Variants in CACNA2D1 observed in about 807,000 individuals in gnomAD.
The protein encoded by CACNA2D1 is voltage-dependent calcium channel subunit alpha-2/delta-1.
In CACNA2D1, 53 loss-of-function variants were observed where a neutral mutation model predicts 171.5. The observed-to-expected ratio is 0.31, with a 90% CI of 0.25 to 0.39. The LOEUF is 0.39. CACNA2D1 is among the 10% of genes least tolerant of loss of function. CACNA2D1 has a pLI of 1.00. For synonymous variants in CACNA2D1, 442 were observed against 443.1 expected (o/e 1.00, Z 0.03); for missense variants, 903 against 1,299.8 (o/e 0.69, Z 4.69).
At chr7:82,114,760 G>GAAAAAAAAAAAAAAAAAAAAA (rs34240770) in intron 6 of CACNA2D1, among the ~76,000 whole-genome samples, 1 of 103,112 alleles carries the variant, frequency 9.7e-6, no homozygotes, top group Non-Finnish European at 2.1e-5. Context: ...CGTCCCAGAA[G>GAAAAAAAAAAAAAAAAAAAAA]AAAAAAAAAA....
chr7:82,093,429 C>A (rs1233827381), intron 6 of CACNA2D1, among the ~76,000 whole-genome samples: 1 of 151,798 alleles, frequency 6.6e-6, no homozygotes, highest in Non-Finnish European at 1.5e-5. Context: ...TCCTAAAATC[C>A]AAGTATGAGT....
At chr7:82,295,287 T>C (rs558547339) in intron 3 of CACNA2D1, among the ~76,000 whole-genome samples, 20 of 152,004 alleles carry the variant, frequency 1.3e-4, no homozygotes, top group African/African-American at 4.8e-4. Flanking sequence ...ACAAGGTGAG[T>C]ATAATTAATA....
chr7:82,258,817 CT>C (rs201927487), intron 3 of CACNA2D1, among the ~76,000 whole-genome samples: 1,007 of 72,544 alleles, frequency 0.014, 9 homozygotes, highest in African/African-American at 0.049. Flanking sequence ...TCTTACTTTT[CT>C]TTTTTTTTTT....
At chr7:82,426,977 T>C (rs1264787598) in intron 1 of CACNA2D1, among the ~76,000 whole-genome samples, 1 of 152,204 alleles carries the variant, frequency 6.6e-6, no homozygotes, top group African/African-American at 2.4e-5. Context: ...GTTGTTTTAA[T>C]CACCTTTCTG....
intron 25 of CACNA2D1, among the ~76,000 whole-genome samples, chr7:81,972,703 T>C (rs16885329): frequency 0.092 from 14,020 of 151,910 alleles, 680 homozygotes; most frequent in Middle Eastern, 0.2. Flanking sequence ...TCTAAACCCA[T>C]TAAGCTCTGA....
At chr7:81,954,237 G>A (rs934904751) in intron 38 of CACNA2D1, among the ~76,000 whole-genome samples, 1 of 151,948 alleles carries the variant, frequency 6.6e-6, no homozygotes. Context: ...GATTATTTAA[G>A]TAGAAAATAA....
chr7:82,425,330 G>A (rs979645435), intron 1 of CACNA2D1, among the ~76,000 whole-genome samples: 5 of 152,054 alleles, frequency 3.3e-5, no homozygotes, highest in Non-Finnish European at 4.4e-5. Flanking sequence ...AGCCCCATAC[G>A]GGAATGCAGT....
chr7:82,053,171 G>C (rs1172201779), intron 10 of CACNA2D1, among the ~76,000 whole-genome samples: 2 of 147,764 alleles, frequency 1.4e-5, no homozygotes, highest in African/African-American at 5.0e-5. Flanking sequence ...AGAATGGCGT[G>C]AACCTGGGAG....
intron 2 of CACNA2D1, among the ~76,000 whole-genome samples, chr7:82,347,027 T>C (rs557244607): frequency 6.6e-6 from 1 of 152,284 alleles, no homozygotes; most frequent in South Asian, 2.1e-4. Context: ...ATATGTATTC[T>C]CCAAATGGTT....
intron 1 of CACNA2D1, among the ~76,000 whole-genome samples, chr7:82,386,217 A>G (rs1417142668): frequency 2.0e-5 from 3 of 152,180 alleles, no homozygotes; most frequent in Non-Finnish European, 4.4e-5. Context: ...GGGGAAAAAA[A>G]TACTATAGTA....
chr7:82,143,682 C>T (rs1792658524), intron 4 of CACNA2D1, among the ~76,000 whole-genome samples: 1 of 152,084 alleles, frequency 6.6e-6, no homozygotes, highest in Non-Finnish European at 1.5e-5. Flanking sequence ...TGTTGCTGTG[C>T]TCCAGACCTG....
chr7:82,150,284 A>AAAAAAAAAAAAC (rs1554432527), intron 4 of CACNA2D1, among the ~76,000 whole-genome samples: 5 of 137,392 alleles, frequency 3.6e-5, no homozygotes, highest in Non-Finnish European at 8.0e-5. Flanking sequence ...AACAACAACA[A>AAAAAAAAAAAAC]AAAAAAACAC....
At chr7:81,962,148 G>T in intron 35 of CACNA2D1, 125 bp from the exon 36 acceptor site, 1 of 866,136 alleles carries the variant, frequency 1.2e-6, no homozygotes, top group Non-Finnish European at 1.8e-6. Context: ...CCCCTCGACT[G>T]GCTTGTTTAC....
At chr7:81,974,627 C>A in intron 24 of CACNA2D1, 75 bp from the exon 25 acceptor site, 2 of 709,738 alleles carry the variant, frequency 2.8e-6, no homozygotes, top group Non-Finnish European at 2.3e-6. Context: ...AGTGAAAACA[C>A]TATTTTTTTT....
intron 1 of CACNA2D1, among the ~76,000 whole-genome samples, chr7:82,390,532 G>A (rs1824992084): frequency 6.6e-6 from 1 of 152,130 alleles, no homozygotes; most frequent in Non-Finnish European, 1.5e-5. Flanking sequence ...ACATCAACAA[G>A]AAAAGTCAAT....
intron 6 of CACNA2D1, among the ~76,000 whole-genome samples, chr7:82,104,435 A>C (rs258679): frequency 0.39 from 59,159 of 151,794 alleles, 11,733 homozygotes; most frequent in Non-Finnish European, 0.42. Flanking sequence ...CTTTTAATCC[A>C]CATTACAGTC....
At chr7:82,251,931 A>T (rs1805695382) in intron 3 of CACNA2D1, among the ~76,000 whole-genome samples, 1 of 152,192 alleles carries the variant, frequency 6.6e-6, no homozygotes, top group Admixed American at 6.5e-5. Flanking sequence ...AGGGACATGC[A>T]AGATAAAAAG....
At chr7:82,199,155 T>G (rs935708952) in intron 3 of CACNA2D1, among the ~76,000 whole-genome samples, 5 of 152,298 alleles carry the variant, frequency 3.3e-5, no homozygotes, top group South Asian at 2.1e-4. Flanking sequence ...TTTTCACATA[T>G]TTACTTTGCT....
At chr7:82,080,068 C>T (rs530457080) in intron 7 of CACNA2D1, among the ~76,000 whole-genome samples, 1,707 of 124,304 alleles carry the variant, frequency 0.014, 34 homozygotes, top group African/African-American at 0.049. Flanking sequence ...TATATATATA[C>T]GTATATATAT....
Sources: allele counts gnomAD v4.1 joint callset (sites outside exome capture counted in the v4.1 genomes callset), GRCh38; gene constraint gnomAD v4.1.1; transcripts MANE v1.5; gene names NCBI Gene and HGNC (gene_info 2026-07-23, HGNC 2026-07-21).